TNPO2: variants seen among roughly 807,000 people sequenced by gnomAD.
The protein encoded by TNPO2 is transportin-2.
TNPO2 carries 16 observed loss-of-function variants against 111.1 expected under a neutral mutation model. The ratio of observed to expected loss-of-function variants is 0.14; its 90% CI spans 0.10 to 0.22. The LOEUF (loss-of-function observed/expected upper bound fraction) is 0.22, where lower values mean the gene tolerates loss of function less well. Ranked by LOEUF, TNPO2 falls within the 10% of genes least tolerant of loss-of-function variation. TNPO2 has a pLI of 1.00. For synonymous variants in TNPO2, 481 were observed against 475.8 expected (o/e 1.01, Z -0.14); for missense variants, 530 against 1,173.7 (o/e 0.45, Z 8.01).
Position 12,719,451 on chromosome 19 carries a change from T to C in TNPO2, c.100-115A>G. ...GACCAGGCTGCCAGCTCCTGGGGGA[T>C]CCCGCTCCCTAATAAGCCCACAATG... On this transcript the variant is annotated intron_variant, in intron 3 of 25. Coordinates refer to ENST00000425528, the MANE Select transcript of TNPO2 (RefSeq NM_001382241.1). This position sits in a 1 kb window ranked among gnomAD's most constrained non-coding sequence, Gnocchi z 5.0. 1 of 832,944 alleles carries C rather than the reference T, an allele frequency of 1.2e-6. No homozygotes were observed. Among genetic ancestry groups the C allele is most frequent in the Non-Finnish European group, 2.0e-6 (1 of 499,208 alleles). The allele number at this position is 832,944 out of a possible 1,614,324, so 51.6% of individuals were successfully genotyped here.
chr19:12,713,430 A>C (rs892078057), intron 10 of TNPO2, among the ~76,000 whole-genome samples: 1 of 151,920 alleles, frequency 6.6e-6, no homozygotes, highest in Non-Finnish European at 1.5e-5. Flanking sequence ...GCCTGAGCCC[A>C]TAAGTTTGAG....
In TNPO2 at chr19:12,702,518, C is replaced by A; in HGVS notation, c.2305+305G>T. On this transcript the variant is annotated intron_variant, in intron 21 of 25. Coordinates refer to ENST00000425528, the MANE Select transcript of TNPO2 (RefSeq NM_001382241.1). This position sits in a 1 kb window ranked among gnomAD's most constrained non-coding sequence, Gnocchi z 5.5. ...AGTAGCTGGGATTGCAGGCACGTGC[C>A]ATTACCCCCGGCTAATTTTTGTATT... 1.9e-6 allele frequency: 1 copy of A among 526,240 alleles called. No individual in the cohort carries two copies. The highest frequency in any genetic ancestry group is 3.4e-6 in the Non-Finnish European group (1 of 291,408). 32.6% of individuals were successfully genotyped at this position (526,240 alleles called of 1,614,324 possible). A position where few individuals can be genotyped will look rare whatever the true frequency, so the allele number is the denominator to read the frequency against.
chr19:12,706,142 C>T lies in TNPO2; in HGVS notation c.1668+54G>A. The T allele has an allele frequency of 6.3e-7, 1 of 1,584,382 alleles. No individual in the cohort carries two copies. The highest frequency in any genetic ancestry group is 1.3e-5 in the African/African-American group (1 of 74,720). ...GCAACACGGGGTTGCCACCAGGTCA[C>T]TGGATGCCCAGGGGCACGGGGATCG... On this transcript the variant is annotated intron_variant, in intron 15 of 25. Coordinates refer to ENST00000425528, the MANE Select transcript of TNPO2 (RefSeq NM_001382241.1). The surrounding 1 kb of genome is among the most constrained non-coding windows in gnomAD (Gnocchi z 7.0).
At position 12,705,486 on chromosome 19, in the gene TNPO2, G is replaced by A. The variant is rs1038609237; in HGVS notation, c.1863+6C>T. 5.0e-6 allele frequency: 8 copies of A among 1,589,508 alleles called. No individual in the cohort carries two copies. The African/African-American group carries it at 5.4e-5, about 11-fold the overall frequency. On this transcript the variant is annotated splice_donor_region_variant and intron_variant, in intron 17 of 25. Coordinates refer to ENST00000425528, the MANE Select transcript of TNPO2 (RefSeq NM_001382241.1). This position sits in a 1 kb window ranked among gnomAD's most constrained non-coding sequence, Gnocchi z 7.2. ...AAGCACAGGTGACGGGCCTAGGGTTGCTCACCATGGCCTGAGCCAGTGTCT... is the reference window on the plus strand; with the variant it reads ...AAGCACAGGTGACGGGCCTAGGGTTACTCACCATGGCCTGAGCCAGTGTCT...
rs1399453039 is a variant in TNPO2 at position 12,721,066 on chromosome 19, G to A, written c.-13-76C>T. On this transcript the variant is annotated intron_variant, in intron 2 of 25. Transcript: ENST00000425528. The surrounding 1 kb of genome is among the most constrained non-coding windows in gnomAD (Gnocchi z 4.9). ...AGACCCAGGTGGAGCCCCTGAGGCCGCGGTGGCCGCATGACGACGGGAACG... is the reference window on the plus strand; with the variant it reads ...AGACCCAGGTGGAGCCCCTGAGGCCACGGTGGCCGCATGACGACGGGAACG... 3.3e-6 allele frequency: 5 copies of A among 1,532,162 alleles called. No individual in the cohort carries two copies. In the East Asian group the frequency reaches 7.4e-5, roughly 23 times the overall value. The allele number at this position is 1,532,162 out of a possible 1,614,324, so 94.9% of individuals were successfully genotyped here.
At chr19:12,722,412 G>A (rs1967041073) in intron 2 of TNPO2, 1 of 150,858 alleles carries the variant, frequency 6.6e-6, no homozygotes, top group African/African-American at 2.4e-5. Context: ...CGCAGGCTCG[G>A]TGCCCGGCGG....
rs2026338543 is a variant in TNPO2, at chr19:12,715,898, T to G, written c.326-159A>C. Among the ~76,000 whole-genome samples the G allele has an allele frequency of 6.6e-6, 1 of 151,908 alleles. No homozygotes were observed. ...TTTTTTTCTTTGTAAGAGATAGAAT[T>G]AGCTCTGTTGCCCAGGCTGGACTGC... On this transcript the variant is annotated intron_variant, in intron 5 of 25. Transcript: ENST00000425528. This position sits in a 1 kb window ranked among gnomAD's most constrained non-coding sequence, Gnocchi z 7.1.
In TNPO2 at chr19:12,706,737, G is replaced by A. The variant is rs1213468284; in HGVS notation, c.1329C>T (p.Cys443=). ...LPELIPHLIQ[C]LSDKKALVRS... The stretch of plus-strand genomic sequence containing the variant: ...GGACCAAGGCCTTCTTATCCGACAG[G>A]CACTGGATCAGGTGCGGGATCAGCT... Residue 443 remains cysteine, a synonymous_variant, in exon 14 of 26, where the codon TGC becomes TGT. Transcript: ENST00000425528. The surrounding 1 kb of genome is among the most constrained non-coding windows in gnomAD (Gnocchi z 7.0). The A allele has an allele frequency of 6.2e-7, 1 of 1,613,448 alleles. No homozygotes were observed. Among genetic ancestry groups the A allele is most frequent in the Non-Finnish European group, 8.5e-7 (1 of 1,179,758 alleles).
chr19:12,710,670 C>G lies in TNPO2; in HGVS notation c.1221G>C (p.Glu407Asp), dbSNP rs1289065774. Residue 407 changes from glutamate (E) to aspartate (D), a missense_variant, in exon 13 of 26, where the codon GAG becomes GAC. This residue lies in a region of TNPO2 where 88 missense variants were observed against 130.2 expected (regional missense o/e 0.68). Transcript: ENST00000425528. The part of the protein sequence containing the change: ...PLLKGLLFHP[E>D]WVVKESGILV... ...GGATGCCCGACTCCTTGACCACCCA[C>G]TCGGGGTGGAAGAGGAGGCCTTTGA... 2 of 1,613,576 alleles carry G rather than the reference C, an allele frequency of 1.2e-6. No homozygotes were observed. Among genetic ancestry groups the G allele is most frequent in the Non-Finnish European group, 1.7e-6 (2 of 1,179,776 alleles).
At chr19:12,707,566 T>G (rs1241699569) in intron 13 of TNPO2, among the ~76,000 whole-genome samples, 1 of 136,714 alleles carries the variant, frequency 7.3e-6, no homozygotes, top group Admixed American at 7.9e-5. Context: ...CTGGGCTCAC[T>G]GCAGCCTCTG....
chr19:12,722,092 C>G (rs1967009797), intron 2 of TNPO2: 1 of 134,046 alleles, frequency 7.5e-6, no homozygotes, highest in South Asian at 2.9e-4. Flanking sequence ...CTCCCCCAAT[C>G]AGACCCAACC....
In TNPO2 at chr19:12,702,214, G is replaced by A. The variant is rs746837120; in HGVS notation, c.2306-37C>T. On this transcript the variant is annotated intron_variant, in intron 21 of 25. Coordinates refer to ENST00000425528, the MANE Select transcript of TNPO2 (RefSeq NM_001382241.1). This position sits in a 1 kb window ranked among gnomAD's most constrained non-coding sequence, Gnocchi z 5.5. ...AGCGGCCCCGGGACGGTACGTGGCG[G>A]GGCCTCTGGCACAAGGCACCAAGCC... The A allele has an allele frequency of 1.8e-5, 29 of 1,573,936 alleles. No homozygotes were observed. The highest frequency in any genetic ancestry group is 3.3e-4 in the Middle Eastern group (2 of 5,978).
In TNPO2 at chr19:12,719,401, A is replaced by C. The variant is rs1599429761; in HGVS notation, c.100-65T>G. 3.5e-5 allele frequency: 48 copies of C among 1,384,940 alleles called. No individual in the cohort carries two copies. Among genetic ancestry groups the C allele is most frequent in the East Asian group, 4.7e-5 (2 of 42,650 alleles). The allele number at this position is 1,384,940 out of a possible 1,614,324, so 85.8% of individuals were successfully genotyped here. A position where few individuals can be genotyped will look rare whatever the true frequency, so the allele number is the denominator to read the frequency against. On this transcript the variant is annotated intron_variant, in intron 3 of 25. Transcript: ENST00000425528. This position sits in a 1 kb window ranked among gnomAD's most constrained non-coding sequence, Gnocchi z 5.0. ...CCCCAGCCAGGTCCCCTCATTATGTACCTGACACTATCTCTGACCACTGGG... is the reference window on the plus strand; with the variant it reads ...CCCCAGCCAGGTCCCCTCATTATGTCCCTGACACTATCTCTGACCACTGGG...
chr19:12,721,274 C>T lies in TNPO2; in HGVS notation c.-13-284G>A. 7.8e-7 allele frequency: 1 copy of T among 1,288,768 alleles called. No homozygotes were observed. The allele number at this position is 1,288,768 out of a possible 1,614,324, so 79.8% of individuals were successfully genotyped here. A position where few individuals can be genotyped will look rare whatever the true frequency, so the allele number is the denominator to read the frequency against. On this transcript the variant is annotated intron_variant, in intron 2 of 25. Coordinates refer to ENST00000425528, the MANE Select transcript of TNPO2 (RefSeq NM_001382241.1). This position sits in a 1 kb window ranked among gnomAD's most constrained non-coding sequence, Gnocchi z 4.9. The stretch of plus-strand genomic sequence containing the variant: ...CTCATGGGACCCAGCGAAGAGCCCT[C>T]GTCCCAGGGTGGCCCATGCCGCTGA...
At chr19:12,703,055 C>CT in intron 20 of TNPO2, 137 bp from the exon 21 acceptor site, 1 of 745,458 alleles carries the variant, frequency 1.3e-6, no homozygotes, top group Non-Finnish European at 2.2e-6. Context: ...AACAAAAGAC[C>CT]TTCTCCGGCT....
chr19:12,704,159 G>A (rs1471455955), intron 18 of TNPO2, among the ~76,000 whole-genome samples: 1 of 152,210 alleles, frequency 6.6e-6, no homozygotes, highest in Non-Finnish European at 1.5e-5. Context: ...TTGAGGTCAG[G>A]AGTTTGAGAC....
At chr19:12,720,818 G>C in intron 3 of TNPO2, 61 bp downstream of exon 3, 4 of 1,529,704 alleles carry the variant, frequency 2.6e-6, no homozygotes, top group Non-Finnish European at 3.5e-6. Flanking sequence ...TTCTCTCTCT[G>C]GCCTTTGGAA....
intron 10 of TNPO2, among the ~76,000 whole-genome samples, chr19:12,712,955 A>C (rs2026148694): frequency 6.6e-6 from 1 of 152,106 alleles, no homozygotes; most frequent in Non-Finnish European, 1.5e-5. Context: ...GTGCGATCAC[A>C]GCTCACCACA....
chr19:12,713,484 T>A (rs1393026410), intron 10 of TNPO2, among the ~76,000 whole-genome samples: 2 of 107,986 alleles, frequency 1.9e-5, no homozygotes, highest in African/African-American at 7.5e-5. Context: ...TAATGAATGA[T>A]AAATAAATAA....
Sources: gnomAD v4.1 joint callset for allele counts (sites outside exome capture counted in the v4.1 genomes callset) on GRCh38, gnomAD v4.1.1 for gene constraint, gnomAD v4.1.1 regional missense constraint, Gnocchi (gnomAD v3.1) non-coding constraint, MANE v1.5 for transcripts, NCBI Gene and HGNC (gene_info 2026-07-23, HGNC 2026-07-21) for gene names.